Variants in FRMD5 observed in about 807,000 individuals in gnomAD.
FRMD5 encodes FERM domain-containing protein 5.
In FRMD5, 20 loss-of-function variants were observed where a neutral mutation model predicts 69.0. The observed-to-expected ratio is 0.29, with a 90% confidence interval of 0.20 to 0.42. The LOEUF is 0.42. FRMD5 is among the 10% of genes least tolerant of loss of function. The probability of loss-of-function intolerance (pLI) is 1.00; values close to 1 mark genes in which losing one functional copy is unlikely to be tolerated. For synonymous variants in FRMD5, 271 were observed against 260.1 expected (o/e 1.04, Z -0.40); for missense variants, 595 against 708.6 (o/e 0.84, Z 1.82).
intron 1 of FRMD5, among the ~76,000 whole-genome samples, chr15:43,967,211 A>G (rs2140563126): frequency 6.8e-6 from 1 of 147,192 alleles, no homozygotes; most frequent in African/African-American, 2.6e-5. Context: ...TCATATATAT[A>G]TACACATAAA....
At chr15:43,938,881 A>C (rs1411412051) in intron 1 of FRMD5, among the ~76,000 whole-genome samples, 1 of 152,144 alleles carries the variant, frequency 6.6e-6, no homozygotes, top group East Asian at 1.9e-4. Flanking sequence ...TTATTTTTGG[A>C]GACAGAGTCT....
intron 1 of FRMD5, among the ~76,000 whole-genome samples, chr15:44,154,982 A>G (rs1007507258): frequency 6.0e-4 from 92 of 152,328 alleles, no homozygotes; most frequent in African/African-American, 2.1e-3. Flanking sequence ...TAGGTACTTC[A>G]CTAAAAAAAC....
chr15:43,917,078 C>T (rs1006244805), intron 4 of FRMD5, among the ~76,000 whole-genome samples: 6 of 152,128 alleles, frequency 3.9e-5, no homozygotes, highest in African/African-American at 9.6e-5. Context: ...CCACGCCTGG[C>T]GGAAAATTGT....
chr15:43,902,351 G>T, intron 6 of FRMD5, 89 bp from the exon 7 acceptor site: 1 of 1,070,416 alleles, frequency 9.3e-7, no homozygotes, highest in Non-Finnish European at 1.4e-6. Flanking sequence ...TGCTTAGGAT[G>T]AGCCACACAT....
intron 1 of FRMD5, among the ~76,000 whole-genome samples, chr15:44,000,229 C>T (rs1462822443): frequency 2.0e-5 from 3 of 151,796 alleles, no homozygotes; most frequent in Non-Finnish European, 4.4e-5. Context: ...CTCAAGTGAT[C>T]CTCCTGCTCA....
chr15:44,194,925 G>T, intron 1 of FRMD5, 28 bp downstream of exon 1: 1 of 1,493,358 alleles, frequency 6.7e-7, no homozygotes, highest in Non-Finnish European at 8.9e-7. Context: ...GGGGTCCCGC[G>T]GGCGGGGCGG....
At chr15:44,108,063 C>T (rs982568793) in intron 1 of FRMD5, among the ~76,000 whole-genome samples, 2 of 152,272 alleles carry the variant, frequency 1.3e-5, no homozygotes, top group African/African-American at 2.4e-5. Flanking sequence ...AGCCCTCATA[C>T]AGTTTTTGTA....
At chr15:44,047,321 G>C (rs1266823393) in intron 1 of FRMD5, among the ~76,000 whole-genome samples, 1 of 151,760 alleles carries the variant, frequency 6.6e-6, no homozygotes, top group African/African-American at 2.4e-5. Flanking sequence ...AAGAGGGGAG[G>C]GGAGAGGAGG....
At chr15:44,147,682 T>C (rs2077377907) in intron 1 of FRMD5, among the ~76,000 whole-genome samples, 1 of 152,194 alleles carries the variant, frequency 6.6e-6, no homozygotes, top group Non-Finnish European at 1.5e-5. Context: ...CAGGAATCTG[T>C]TGCCCCACCT....
chr15:44,020,878 A>G (rs932777973), intron 1 of FRMD5, among the ~76,000 whole-genome samples: 1 of 152,236 alleles, frequency 6.6e-6, no homozygotes, highest in African/African-American at 2.4e-5. Context: ...AGAGTTGGCG[A>G]AAAAATGCAG....
chr15:44,002,088 C>G (rs775034423), intron 1 of FRMD5, among the ~76,000 whole-genome samples: 1 of 152,132 alleles, frequency 6.6e-6, no homozygotes, highest in Non-Finnish European at 1.5e-5. Flanking sequence ...TTTGACATGT[C>G]ATCATTACTT....
chr15:43,906,909 T>G (rs867663362), intron 5 of FRMD5, among the ~76,000 whole-genome samples: 1 of 152,096 alleles, frequency 6.6e-6, no homozygotes, highest in African/African-American at 2.4e-5. Flanking sequence ...CCGAGAAGCA[T>G]CAAGTTCTAA....
chr15:44,024,082 G>C (rs1420381998), intron 1 of FRMD5, among the ~76,000 whole-genome samples: 2 of 152,070 alleles, frequency 1.3e-5, no homozygotes, highest in Non-Finnish European at 2.9e-5. Flanking sequence ...ATAAACATTT[G>C]TTAAGTGTTA....
At chr15:44,044,269 CAA>C (rs977753980) in intron 1 of FRMD5, among the ~76,000 whole-genome samples, 7 of 152,136 alleles carry the variant, frequency 4.6e-5, no homozygotes, top group African/African-American at 9.7e-5. Flanking sequence ...AGTCAGGAAA[CAA>C]GAGATGCTGG....
intron 1 of FRMD5, among the ~76,000 whole-genome samples, chr15:43,935,194 T>C (rs1244297458): frequency 2.0e-5 from 3 of 152,202 alleles, no homozygotes; most frequent in East Asian, 1.9e-4. Context: ...TAAATAATTC[T>C]TGGGGCCAGG....
intron 1 of FRMD5, among the ~76,000 whole-genome samples, chr15:44,113,467 A>G (rs1395293397): frequency 2.0e-5 from 3 of 152,248 alleles, no homozygotes; most frequent in Non-Finnish European, 4.4e-5. Context: ...CTCATGAGGT[A>G]CATGATATGA....
chr15:43,879,401 G>A, intron 13 of FRMD5: 2 of 397,856 alleles, frequency 5.0e-6, no homozygotes, highest in Non-Finnish European at 8.9e-6. Context: ...CACCTGTCCT[G>A]CCATTTCATC....
intron 1 of FRMD5, among the ~76,000 whole-genome samples, chr15:43,924,895 A>C (rs1196140873): frequency 1.3e-5 from 2 of 152,134 alleles, no homozygotes; most frequent in Admixed American, 1.3e-4. Flanking sequence ...TAGGATATTT[A>C]AACAAACAAA....
At chr15:44,136,277 G>A (rs922543024) in intron 1 of FRMD5, among the ~76,000 whole-genome samples, 2 of 152,060 alleles carry the variant, frequency 1.3e-5, no homozygotes, top group Admixed American at 6.6e-5. Flanking sequence ...ACCCACCTCA[G>A]CCTCCCAAAG....
Sources: allele counts gnomAD v4.1 joint callset (sites outside exome capture counted in the v4.1 genomes callset), GRCh38; gene constraint gnomAD v4.1.1; transcripts MANE v1.5; gene names NCBI Gene and HGNC (gene_info 2026-07-23, HGNC 2026-07-21).